DYRK1A: variants seen among roughly 807,000 people sequenced by gnomAD.
DYRK1A encodes the protein dual specificity tyrosine-phosphorylation-regulated kinase 1A.
In DYRK1A, 9 loss-of-function variants were observed where a neutral mutation model predicts 79.7. The ratio of observed to expected loss-of-function variants is 0.11; its 90% CI spans 0.07 to 0.20. The LOEUF is 0.20. Ranked by LOEUF, DYRK1A falls within the 10% of genes least tolerant of loss-of-function variation. The probability of loss-of-function intolerance (pLI) is 1.00; values close to 1 mark genes in which losing one functional copy is unlikely to be tolerated. For synonymous variants in DYRK1A, 349 were observed against 329.7 expected, an observed-to-expected ratio of 1.06 and a Z score of -0.63; for missense variants, 622 against 956.0, an observed-to-expected ratio of 0.65 and a Z score of 4.61.
intron 2 of DYRK1A, among the ~76,000 whole-genome samples, chr21:37,426,546 AAAGAT>A (rs1271912941): frequency 6.6e-6 from 1 of 152,122 alleles, no homozygotes. Flanking sequence ...AAGAGAAGTA[AAAGAT>A]AATTTAAAAA....
intron 5 of DYRK1A, among the ~76,000 whole-genome samples, chr21:37,482,020 T>G (rs908549279): frequency 6.6e-5 from 10 of 152,208 alleles, no homozygotes; most frequent in African/African-American, 2.4e-4. Flanking sequence ...GTTATTAATC[T>G]GCAGTCCAAA....
chr21:37,422,618 T>TGGC (rs1245229599), intron 2 of DYRK1A, among the ~76,000 whole-genome samples: 2 of 152,174 alleles, frequency 1.3e-5, no homozygotes, highest in Non-Finnish European at 2.9e-5. Context: ...AAGTAGGCCT[T>TGGC]GGCTGATGGG....
intron 3 of DYRK1A, among the ~76,000 whole-genome samples, chr21:37,476,829 C>CG (rs1555978567): frequency 3.4e-5 from 5 of 147,122 alleles, no homozygotes; most frequent in Non-Finnish European, 1.5e-5. Flanking sequence ...CCCCCCCCCC[C>CG]CAACCTTATT....
chr21:37,378,839 T>C (rs923596112), intron 1 of DYRK1A, among the ~76,000 whole-genome samples: 2 of 152,166 alleles, frequency 1.3e-5, no homozygotes, highest in Admixed American at 1.3e-4. Context: ...TGTGGAGAGC[T>C]AGAAGAGCAC....
intron 4 of DYRK1A, among the ~76,000 whole-genome samples, chr21:37,479,636 T>TTTG: frequency 7.4e-6 from 1 of 134,414 alleles, no homozygotes; most frequent in Non-Finnish European, 1.6e-5. Flanking sequence ...TTTTTTTTTT[T>TTTG]GGAGACAGAG....
At chr21:37,475,279 C>T (rs755179440) in intron 3 of DYRK1A, among the ~76,000 whole-genome samples, 7 of 152,170 alleles carry the variant, frequency 4.6e-5, no homozygotes, top group Admixed American at 1.3e-4. Context: ...GCTTGGTGAG[C>T]TCCTGGGTCC....
At chr21:37,366,356 GGCGGCGGCGCGGGAGGCCGC>G (rs968998559), upstream of DYRK1A, among the ~76,000 whole-genome samples, 2 of 145,378 alleles carry the variant, frequency 1.4e-5, no homozygotes, top group Middle Eastern at 3.3e-3. Context: ...GGGCTGCGGG[GGCGGCGGCGCGGGAGGCCGC>G]GCGCGCTCCC....
At chr21:37,404,629 T>C (rs1372486052) in intron 1 of DYRK1A, among the ~76,000 whole-genome samples, 2 of 152,242 alleles carry the variant, frequency 1.3e-5, no homozygotes, top group Non-Finnish European at 2.9e-5. Context: ...CGTTTCACCA[T>C]GTTGGGAAAT....
intron 3 of DYRK1A, among the ~76,000 whole-genome samples, chr21:37,476,818 T>TTCCCCCCC (rs1555978497): frequency 5.1e-5 from 4 of 78,142 alleles, no homozygotes; most frequent in African/African-American, 2.1e-4. Context: ...CACCAAGGGT[T>TTCCCCCCC]CCCCCCCCCC....
chr21:37,476,824 C>CG (rs752897640), intron 3 of DYRK1A, among the ~76,000 whole-genome samples: 4 of 145,948 alleles, frequency 2.7e-5, no homozygotes, highest in East Asian at 2.1e-4. Flanking sequence ...GGGTTCCCCC[C>CG]CCCCCCAACC....
At chr21:37,464,521 G>A (rs1013463722) in intron 2 of DYRK1A, among the ~76,000 whole-genome samples, 1 of 152,162 alleles carries the variant, frequency 6.6e-6, no homozygotes, top group African/African-American at 2.4e-5. Flanking sequence ...GACAGCAGTT[G>A]AAAATACTTT....
intron 1 of DYRK1A, among the ~76,000 whole-genome samples, chr21:37,398,344 A>AC (rs199907303): frequency 1.4e-4 from 20 of 138,290 alleles, no homozygotes; most frequent in South Asian, 8.7e-4. Context: ...CCTGTCTCTT[A>AC]AAAAAAAAAA....
rs559294967 is a variant in DYRK1A, at chr21:37,482,804, T to G, written c.489+1978T>G. Among the ~76,000 whole-genome samples the G allele has an allele frequency of 8.2e-4, 125 of 152,300 alleles. 2 individuals carry two copies. Among genetic ancestry groups the G allele is most frequent in the South Asian group, 8.3e-4 (4 of 4,826 alleles). On this transcript the variant is annotated intron_variant, in intron 5 of 11. Coordinates refer to ENST00000647188, the MANE Select transcript of DYRK1A (RefSeq NM_001347721.2). ...ATTTCAGAGACCTACCCTCAGGGGC[T>G]CATTCTCTTTCTCAGGGATGTTCCT...
At chr21:37,484,061 T>C (rs903344813) in intron 5 of DYRK1A, among the ~76,000 whole-genome samples, 2 of 152,104 alleles carry the variant, frequency 1.3e-5, no homozygotes, top group Admixed American at 1.3e-4. Flanking sequence ...CCGCCTGAGC[T>C]CCGCCCCGTC....
At chr21:37,443,819 A>G (rs551650166) in intron 2 of DYRK1A, among the ~76,000 whole-genome samples, 1 of 152,242 alleles carries the variant, frequency 6.6e-6, no homozygotes, top group East Asian at 1.9e-4. Context: ...GTCTCTGTCT[A>G]AATTTCTCCA....
At chr21:37,456,390 G>A (rs890066757) in intron 2 of DYRK1A, 2 of 152,248 alleles carry the variant, frequency 1.3e-5, no homozygotes, top group East Asian at 1.9e-4. Context: ...CATGGCTACC[G>A]TGCTCTAAAA....
At chr21:37,466,939 A>G (rs1356553321) in intron 2 of DYRK1A, among the ~76,000 whole-genome samples, 1 of 152,134 alleles carries the variant, frequency 6.6e-6, no homozygotes, top group Admixed American at 6.5e-5. Flanking sequence ...AGAAGATATT[A>G]TAAAAACTTG....
At chr21:37,465,694 A>G (rs1332457378) in intron 2 of DYRK1A, among the ~76,000 whole-genome samples, 2 of 151,990 alleles carry the variant, frequency 1.3e-5, no homozygotes, top group East Asian at 1.9e-4. Flanking sequence ...AAAATTAGCT[A>G]TGGGTGGTGG....
intron 1 of DYRK1A, among the ~76,000 whole-genome samples, chr21:37,386,971 T>A (rs2049772983): frequency 6.6e-6 from 1 of 152,194 alleles, no homozygotes; most frequent in Non-Finnish European, 1.5e-5. Context: ...GGGATTACAC[T>A]TAGACCAGTT....
Sources: allele counts gnomAD v4.1 joint callset (sites outside exome capture counted in the v4.1 genomes callset), GRCh38; gene constraint gnomAD v4.1.1; transcripts MANE v1.5; gene names NCBI Gene and HGNC (gene_info 2026-07-23, HGNC 2026-07-21).